Variants in DNER observed in about 807,000 individuals in gnomAD.
The protein encoded by DNER is delta and Notch-like epidermal growth factor-related receptor.
In DNER, 33 loss-of-function variants were observed where a neutral mutation model predicts 78.2. The observed-to-expected ratio is 0.42, with a 90% CI of 0.32 to 0.56. DNER has a LOEUF of 0.56. Ranked by LOEUF, DNER falls within the 20% of genes least tolerant of loss-of-function variation. The probability of loss-of-function intolerance (pLI) is 0.11; values close to 1 mark genes in which losing one functional copy is unlikely to be tolerated. For missense variants in DNER, 918 were observed against 975.3 expected (o/e 0.94, Z 0.78); for synonymous variants, 417 against 384.8 (o/e 1.08, Z -0.98).
chr2:229,547,540 C>T (rs1696651341), intron 4 of DNER, among the ~76,000 whole-genome samples: 2 of 152,206 alleles, frequency 1.3e-5, no homozygotes, highest in Admixed American at 1.3e-4. Flanking sequence ...TTTGGAGTCA[C>T]AAATGCTGGA....
intron 4 of DNER, among the ~76,000 whole-genome samples, chr2:229,577,664 C>T (rs546771468): frequency 6.6e-6 from 1 of 152,014 alleles, no homozygotes; most frequent in East Asian, 1.9e-4. Context: ...GTGGATAAAG[C>T]AGATATGCCC....
chr2:229,629,977 G>C (rs1471803244), intron 1 of DNER, among the ~76,000 whole-genome samples: 1 of 152,210 alleles, frequency 6.6e-6, no homozygotes, highest in Non-Finnish European at 1.5e-5. Flanking sequence ...GGAGCACACA[G>C]AATGTGTGCC....
chr2:229,510,525 T>C (rs999488747), intron 6 of DNER, among the ~76,000 whole-genome samples: 1 of 152,106 alleles, frequency 6.6e-6, no homozygotes. Flanking sequence ...GTGGAGGATT[T>C]GAGAATTCTC....
At chr2:229,517,109 CAAA>C (rs57947628) in intron 5 of DNER, among the ~76,000 whole-genome samples, 1 of 57,860 alleles carries the variant, frequency 1.7e-5, no homozygotes. Context: ...GACTCCGTCT[CAAA>C]AAAAAAAAAA....
intron 1 of DNER, among the ~76,000 whole-genome samples, chr2:229,618,384 T>C (rs1181731334): frequency 6.6e-6 from 1 of 152,132 alleles, no homozygotes; most frequent in Non-Finnish European, 1.5e-5. Context: ...AAAAATATAG[T>C]CAGGAAAAAT....
chr2:229,669,785 C>T lies in DNER; in HGVS notation c.276+44363G>A, dbSNP rs1699176171. 2.0e-5 allele frequency among the ~76,000 whole-genome samples: 3 copies of T among 152,110 alleles called. No homozygotes were observed. In the South Asian group the frequency reaches 6.2e-4, roughly 32 times the overall value. On this transcript the variant is annotated intron_variant, in intron 1 of 12. Coordinates refer to ENST00000341772, the MANE Select transcript of DNER (RefSeq NM_139072.4). The stretch of plus-strand genomic sequence containing the variant: ...GAGAATACACATTCTTACTACAACA[C>T]AAGAATATACCTTAGAAGTAGCTGA...
At position 229,462,601 on chromosome 2, in the gene DNER, G is replaced by A. The variant is rs375939775; in HGVS notation, c.1261+14539C>T. Among the ~76,000 whole-genome samples the A allele has an allele frequency of 1.6e-4, 25 of 152,028 alleles. No homozygotes were observed. In the East Asian group the frequency reaches 3.7e-3, roughly 22 times the overall value. On this transcript the variant is annotated intron_variant, in intron 7 of 12. Coordinates refer to ENST00000341772, the MANE Select transcript of DNER (RefSeq NM_139072.4). ...CCAAAGATACAACTATTAATATTTC[G>A]CTCCCATTATAACAGTTTTCTCTTA...
At chr2:229,512,637 G>A (rs1695887467) in intron 6 of DNER, 146 bp downstream of exon 6, 1 of 1,092,824 alleles carries the variant, frequency 9.2e-7, no homozygotes. Context: ...GGTGATGAGT[G>A]CACCAAAACC....
chr2:229,609,968 GT>G lies in DNER; in HGVS notation c.277-18081del, dbSNP rs904926311. ...GAATGTGAAATTTTATCACATAAAA[GT>G]TTTTGCCATGAGAAAAATCAATCCA... On this transcript the variant is annotated intron_variant, in intron 1 of 12. Transcript: ENST00000341772. Among the ~76,000 whole-genome samples, 10 of 152,266 alleles carry G rather than the reference GT, an allele frequency of 6.6e-5. 1 individual carries two copies. The highest frequency in any genetic ancestry group is 2.4e-4 in the African/African-American group (10 of 41,562).
chr2:229,408,744 A>G (rs907721520), intron 9 of DNER, among the ~76,000 whole-genome samples: 14 of 152,228 alleles, frequency 9.2e-5, no homozygotes. Flanking sequence ...AAGAGAAAAT[A>G]GAAATGGAAC....
At chr2:229,588,352 A>G in intron 3 of DNER, 42 bp downstream of exon 3, 1 of 1,589,948 alleles carries the variant, frequency 6.3e-7, no homozygotes, top group African/African-American at 1.3e-5. Flanking sequence ...CTTATAGGTC[A>G]TAGCATCACT....
At chr2:229,494,495 GT>G (rs1695463140) in intron 6 of DNER, among the ~76,000 whole-genome samples, 1 of 152,050 alleles carries the variant, frequency 6.6e-6, no homozygotes, top group South Asian at 2.1e-4. Flanking sequence ...CCATCAGAAC[GT>G]AACAGCTCAA....
chr2:229,372,836 G>C (rs1692516526), intron 11 of DNER, among the ~76,000 whole-genome samples: 1 of 152,072 alleles, frequency 6.6e-6, no homozygotes, highest in African/African-American at 2.4e-5. Context: ...CTGTGTTAGG[G>C]GGGAATCAAC....
At chr2:229,385,208 A>G (rs1692837502) in intron 11 of DNER, among the ~76,000 whole-genome samples, 2 of 152,172 alleles carry the variant, frequency 1.3e-5, no homozygotes, top group Non-Finnish European at 1.5e-5. Flanking sequence ...ACTTAAACAC[A>G]ACCAATGATA....
At chr2:229,378,499 A>C (rs1177399930) in intron 11 of DNER, among the ~76,000 whole-genome samples, 1 of 152,230 alleles carries the variant, frequency 6.6e-6, no homozygotes, top group Non-Finnish European at 1.5e-5. Context: ...CTGCAGAGGC[A>C]GCAAGGAAGA....
intron 1 of DNER, among the ~76,000 whole-genome samples, chr2:229,691,323 C>T (rs572549305): frequency 3.3e-5 from 5 of 152,240 alleles, no homozygotes; most frequent in Non-Finnish European, 7.4e-5. Flanking sequence ...TTTATATTTA[C>T]TTGCCAATAT....
chr2:229,582,259 G>A (rs1170453177), intron 4 of DNER, among the ~76,000 whole-genome samples: 2 of 152,236 alleles, frequency 1.3e-5, no homozygotes, highest in Non-Finnish European at 2.9e-5. Context: ...TTAACGTAGT[G>A]AGCATCAGGC....
At chr2:229,388,933 G>T (rs949914741) in intron 10 of DNER, among the ~76,000 whole-genome samples, 2 of 151,950 alleles carry the variant, frequency 1.3e-5, no homozygotes, top group Admixed American at 1.3e-4. Flanking sequence ...CTCTTCTCTG[G>T]ATAGTTCTAG....
At chr2:229,416,412 C>A (rs1385284446) in intron 9 of DNER, among the ~76,000 whole-genome samples, 3 of 152,172 alleles carry the variant, frequency 2.0e-5, no homozygotes, top group Non-Finnish European at 1.5e-5. Flanking sequence ...CAGAGACAGA[C>A]AACATAACAC....
Sources: gnomAD v4.1 joint callset for allele counts (sites outside exome capture counted in the v4.1 genomes callset) on GRCh38, gnomAD v4.1.1 for gene constraint, MANE v1.5 for transcripts, NCBI Gene and HGNC (gene_info 2026-07-23, HGNC 2026-07-21) for gene names.